Variants in USH2A observed in about 807,000 individuals in gnomAD.
USH2A encodes the protein Usher syndrome 2A (autosomal recessive, mild).
In USH2A, 443 loss-of-function variants were observed where a neutral mutation model predicts 538.9. The observed-to-expected ratio is 0.82, with a 90% CI of 0.76 to 0.89. USH2A has a LOEUF of 0.89. Among genes scored for constraint, USH2A ranks in the 40% least tolerant of loss-of-function variants. The probability of loss-of-function intolerance (pLI) is 0.00; values close to 1 mark genes in which losing one functional copy is unlikely to be tolerated. For synonymous variants in USH2A, 2,413 were observed against 2,273.5 expected, an observed-to-expected ratio of 1.06 and a Z score of -1.75; for missense variants, 6,633 against 6,324.8, an observed-to-expected ratio of 1.05 and a Z score of -1.65.
chr1:216,288,056 A>G (rs144531792), intron 11 of USH2A, among the ~76,000 whole-genome samples: 73 of 152,280 alleles, frequency 4.8e-4, no homozygotes, highest in African/African-American at 1.7e-3. Flanking sequence ...ACATGGTGAT[A>G]TGAAAGACTT....
intron 4 of USH2A, among the ~76,000 whole-genome samples, chr1:216,363,076 T>G (rs1386566201): frequency 6.6e-6 from 1 of 152,068 alleles, no homozygotes. Flanking sequence ...ATAAACCACA[T>G]AGTCCAGTTA....
chr1:216,290,552 A>G (rs2036982368), intron 10 of USH2A, among the ~76,000 whole-genome samples: 1 of 152,174 alleles, frequency 6.6e-6, no homozygotes, highest in Admixed American at 6.5e-5. Flanking sequence ...GGTAAGAGGA[A>G]TCTGAACTAA....
In USH2A at chr1:215,671,254, A is replaced by G. The variant is rs1161730849; in HGVS notation, c.13851T>C (p.Cys4617=). 2 of 1,614,130 alleles carry G rather than the reference A, an allele frequency of 1.2e-6. No individual in the cohort carries two copies. Among genetic ancestry groups the G allele is most frequent in the South Asian group, 2.2e-5 (2 of 91,080 alleles). ...GTATGAATGTCCAGTCACTTGATGC[A>G]CATCCCAGGGTGGTGCACGCTTGAA... The part of the protein sequence containing the change: ...IRIQACTTLG[C]ASSDWTFIQT... Residue 4617 remains cysteine (C), a synonymous_variant, in exon 64 of 72, where the codon TGT becomes TGC. Transcript: ENST00000307340.
chr1:215,827,675 C>G (rs1663193843), intron 47 of USH2A, among the ~76,000 whole-genome samples: 2 of 152,080 alleles, frequency 1.3e-5, no homozygotes, highest in South Asian at 4.1e-4. Context: ...AGTCCAAATT[C>G]TCTCTTTCAA....
At chr1:216,173,791 C>T (rs1014916438) in intron 21 of USH2A, among the ~76,000 whole-genome samples, 2 of 152,154 alleles carry the variant, frequency 1.3e-5, no homozygotes, top group Non-Finnish European at 2.9e-5. Flanking sequence ...ATCCTTGCAG[C>T]AGCTATGCCC....
At chr1:215,991,564 C>T (rs1055594444) in intron 35 of USH2A, among the ~76,000 whole-genome samples, 5 of 152,192 alleles carry the variant, frequency 3.3e-5, no homozygotes, top group African/African-American at 1.2e-4. Context: ...TCTAATTAAA[C>T]ACAAGACTTT....
chr1:216,209,830 A>G (rs1429658297), intron 15 of USH2A, among the ~76,000 whole-genome samples: 1 of 152,174 alleles, frequency 6.6e-6, no homozygotes, highest in Non-Finnish European at 1.5e-5. Context: ...TTTTGTTACA[A>G]TATTGGGGAG....
At chr1:216,131,899 T>A (rs1369050684) in intron 21 of USH2A, among the ~76,000 whole-genome samples, 1 of 152,080 alleles carries the variant, frequency 6.6e-6, no homozygotes, top group Non-Finnish European at 1.5e-5. Context: ...CATATTAATT[T>A]TCTTTAATCC....
At chr1:215,692,228 G>C (rs955347330) in intron 61 of USH2A, among the ~76,000 whole-genome samples, 2 of 152,160 alleles carry the variant, frequency 1.3e-5, no homozygotes, top group Admixed American at 1.3e-4. Context: ...GGGTGGAAGG[G>C]AGAACAGATG....
intron 3 of USH2A, among the ~76,000 whole-genome samples, chr1:216,384,999 G>C (rs1055451531): frequency 3.3e-5 from 5 of 152,166 alleles, no homozygotes; most frequent in African/African-American, 7.2e-5. Context: ...GAGAAACACT[G>C]TGAGTCAGAG....
intron 62 of USH2A, among the ~76,000 whole-genome samples, chr1:215,676,757 TA>T (rs1475150812): frequency 1.3e-5 from 2 of 150,946 alleles, no homozygotes; most frequent in African/African-American, 2.4e-5. Context: ...ATAGGTTCCA[TA>T]ACTAGCTTGC....
At chr1:215,689,244 C>T (rs909854384) in intron 61 of USH2A, among the ~76,000 whole-genome samples, 1 of 152,200 alleles carries the variant, frequency 6.6e-6, no homozygotes, top group Non-Finnish European at 1.5e-5. Context: ...TAGGAATACA[C>T]ATTTGAGGGT....
At chr1:216,093,180 G>T (rs963627530) in intron 22 of USH2A, among the ~76,000 whole-genome samples, 8 of 151,850 alleles carry the variant, frequency 5.3e-5, no homozygotes, top group African/African-American at 1.9e-4. Context: ...AGCCAGGCTG[G>T]TCTTGAACTC....
At chr1:215,957,761 C>T (rs991939910) in intron 37 of USH2A, among the ~76,000 whole-genome samples, 1 of 152,104 alleles carries the variant, frequency 6.6e-6, no homozygotes, top group African/African-American at 2.4e-5. Context: ...TGCCTGACCC[C>T]CTAACTCATT....
At chr1:215,736,487 T>C (rs1471346376) in intron 60 of USH2A, among the ~76,000 whole-genome samples, 2 of 152,100 alleles carry the variant, frequency 1.3e-5, no homozygotes, top group Non-Finnish European at 2.9e-5. Flanking sequence ...CTAGTTAGCA[T>C]TTTTTAAGAA....
chr1:215,995,945 T>C (rs1382240937), intron 34 of USH2A, among the ~76,000 whole-genome samples: 1 of 152,180 alleles, frequency 6.6e-6, no homozygotes, highest in Non-Finnish European at 1.5e-5. Flanking sequence ...GGAGTCTTGC[T>C]GTATTGCCCA....
chr1:215,825,418 A>T (rs1307745466), intron 47 of USH2A, among the ~76,000 whole-genome samples: 1 of 151,754 alleles, frequency 6.6e-6, no homozygotes, highest in Admixed American at 6.6e-5. Flanking sequence ...AGGGAAAATA[A>T]TTTGATATCA....
chr1:216,164,531 CA>C (rs768007441), intron 21 of USH2A, among the ~76,000 whole-genome samples: 3 of 151,986 alleles, frequency 2.0e-5, no homozygotes, highest in Non-Finnish European at 2.9e-5. Flanking sequence ...ATTATGAAGA[CA>C]GGGGGAATAA....
intron 30 of USH2A, among the ~76,000 whole-genome samples, chr1:216,065,824 G>A (rs2031340494): frequency 6.6e-6 from 1 of 152,022 alleles, no homozygotes; most frequent in Admixed American, 6.5e-5. Context: ...TTGAACTCAG[G>A]AGGCAGAGTT....
Sources: gnomAD v4.1 joint callset for allele counts (sites outside exome capture counted in the v4.1 genomes callset) on GRCh38, gnomAD v4.1.1 for gene constraint, MANE v1.5 for transcripts, NCBI Gene and HGNC (gene_info 2026-07-23, HGNC 2026-07-21) for gene names.